Variants in SPOCK2 observed in about 807,000 individuals in gnomAD.
The protein encoded by SPOCK2 is testican-2.
SPOCK2 carries 39 observed loss-of-function variants against 60.1 expected under a neutral mutation model. That is an observed-to-expected ratio of 0.65 (90% confidence interval 0.50 to 0.85). The LOEUF is 0.85. Ranked by LOEUF, SPOCK2 falls within the 40% of genes least tolerant of loss-of-function variation. The pLI is 0.00. For missense variants in SPOCK2, 523 were observed against 567.4 expected (o/e 0.92, Z 0.80); for synonymous variants, 217 against 231.5 (o/e 0.94, Z 0.57).
In SPOCK2 at chr10:72,068,145, C is replaced by T. The variant is rs200576803; in HGVS notation, c.589+42G>A. The T allele has an allele frequency of 5.1e-6, 8 of 1,573,290 alleles. No homozygotes were observed. In the East Asian group the frequency reaches 1.4e-4, roughly 27 times the overall value. On this transcript the variant is annotated intron_variant, in intron 6 of 10. Coordinates refer to ENST00000373109, the MANE Select transcript of SPOCK2 (RefSeq NM_001244950.2). ...GAGCCCTGAAGGAGGTGCCAGGTGG[C>T]CCTTCAGCACCCCTAGCCTGGTGGC...
At chr10:72,067,348 A>G (rs1840584149) in intron 7 of SPOCK2, among the ~76,000 whole-genome samples, 1 of 152,188 alleles carries the variant, frequency 6.6e-6, no homozygotes, top group Non-Finnish European at 1.5e-5. Context: ...CCCTGCAGGG[A>G]AAAGAATTCC....
At position 72,088,243 on chromosome 10, in the gene SPOCK2, A is replaced by G; in HGVS notation, c.86T>C (p.Leu29Pro). 6.2e-7 allele frequency: 1 copy of G among 1,611,246 alleles called. No homozygotes were observed. The highest frequency in any genetic ancestry group is 8.5e-7 in the Non-Finnish European group (1 of 1,179,500). Residue 29 changes from leucine (L) to proline (P), a missense_variant, in exon 1 of 11, where the codon CTC (leucine) becomes CCC (proline). Leu to Pro is a moderately conservative substitution (Grantham distance 98). Coordinates refer to ENST00000373109, the MANE Select transcript of SPOCK2 (RefSeq NM_001244950.2). ...AALAEGDAKGLKEGETPGNFM... is the reference protein window; with the variant it reads ...AALAEGDAKGPKEGETPGNFM... ...ATTGCCGGGGGTCTCGCCCTCCTTG[A>G]GCCCCTTGGCGTCGCCTTCGGCCAG... is the stretch of plus-strand genomic sequence containing the variant.
Position 72,087,274 on chromosome 10 carries a change from A to G in SPOCK2, c.189+866T>C, listed in dbSNP as rs1050127717. ...TCTGATCCACAGGTGCCGGTAAACA[A>G]AAGTGCCGCAGCTACCCCCCCGCCC... On this transcript the variant is annotated intron_variant, in intron 1 of 10. Coordinates refer to ENST00000373109, the MANE Select transcript of SPOCK2 (RefSeq NM_001244950.2). The surrounding 1 kb of genome is among the most constrained non-coding windows in gnomAD (Gnocchi z 4.7). Among the ~76,000 whole-genome samples the G allele has an allele frequency of 5.9e-5, 9 of 151,594 alleles. No homozygotes were observed. Among genetic ancestry groups the G allele is most frequent in the Non-Finnish European group, 1.3e-4 (9 of 67,834 alleles).
Position 72,067,016 on chromosome 10 carries a change from C to T in SPOCK2, c.814G>A (p.Ala272Thr), listed in dbSNP as rs563083994. 13 of 1,614,192 alleles carry T rather than the reference C, an allele frequency of 8.1e-6. No individual in the cohort carries two copies. Among genetic ancestry groups the T allele is most frequent in the Admixed American group, 5.0e-5 (3 of 60,028 alleles). ...ACCTCGTACTTGTCCAGGTTGATGG[C>T]GGCCAGCTCCGTCTGGTCCAGGAAG... ...DLFLDQTELA[A>T]INLDKYEVCI... The change falls in exon 8 of 11, where the codon GCC becomes ACC. Residue 272 changes from alanine to threonine, a missense_variant. Transcript: ENST00000373109.
chr10:72,066,112 G>C (rs1564546009), intron 8 of SPOCK2, among the ~76,000 whole-genome samples: 1 of 152,116 alleles, frequency 6.6e-6, no homozygotes, highest in East Asian at 1.9e-4. Context: ...TGGTTTGAAA[G>C]CTCTGGTTTC....
Position 72,062,149 on chromosome 10 carries a change from G to A in SPOCK2, c.*611C>T, listed in dbSNP as rs1175783522. On this transcript the variant is annotated 3_prime_UTR_variant, in exon 11 of 11. Transcript: ENST00000373109. This position sits in a 1 kb window ranked among gnomAD's most constrained non-coding sequence, Gnocchi z 4.3. The stretch of plus-strand genomic sequence containing the variant: ...GCCCGTCTCATCTGAGGCTGGTGGG[G>A]ATGTCACACCACATCGGCCCAGTTT... The A allele has an allele frequency of 6.5e-6, 1 of 152,788 alleles. No homozygotes were observed. Among genetic ancestry groups the A allele is most frequent in the Non-Finnish European group, 1.5e-5 (1 of 68,398 alleles). 9.5% of individuals were successfully genotyped at this position (152,788 alleles called of 1,614,324 possible).
Position 72,062,575 on chromosome 10 carries a change from G to T in SPOCK2, c.*185C>A. 9.0e-7 allele frequency: 1 copy of T among 1,105,636 alleles called. No individual in the cohort carries two copies. 68.5% of individuals were successfully genotyped at this position (1,105,636 alleles called of 1,614,324 possible). A position where few individuals can be genotyped will look rare whatever the true frequency, so the allele number is the denominator to read the frequency against. On this transcript the variant is annotated 3_prime_UTR_variant, in exon 11 of 11. Transcript: ENST00000373109. The surrounding 1 kb of genome is among the most constrained non-coding windows in gnomAD (Gnocchi z 4.3). ...CACATACACACATGCATGCACACATGCACTCACACTGTCACCCGTCCCAGC... is the reference window on the plus strand; with the variant it reads ...CACATACACACATGCATGCACACATTCACTCACACTGTCACCCGTCCCAGC...
Position 72,067,728 on chromosome 10 carries a change from A to C in SPOCK2, c.594T>G (p.Thr198=), listed in dbSNP as rs139132836. 1.2e-5 allele frequency: 20 copies of C among 1,613,162 alleles called. No individual in the cohort carries two copies. The highest frequency in any genetic ancestry group is 1.5e-5 in the Non-Finnish European group (18 of 1,179,768). The change falls in exon 7 of 11, where the codon ACT becomes ACG. Residue 198 remains threonine, a synonymous_variant. Transcript: ENST00000373109. The part of the protein sequence containing the change: ...ATSTADGKPE[T]CTGQDLADLG... The stretch of plus-strand genomic sequence containing the variant: ...GGTCAGCCAGGTCCTGACCGGTGCA[A>C]GTCTCTGCAGAACAGAGAGAAGGCA...
chr10:72,073,977 C>A (rs1840682366), intron 1 of SPOCK2, among the ~76,000 whole-genome samples: 1 of 152,250 alleles, frequency 6.6e-6, no homozygotes. Flanking sequence ...CAGCTGCCCA[C>A]TTCCTCTGCG....
rs1342353258 is a variant in SPOCK2, at chr10:72,062,186, C to T, written c.*574G>A. On this transcript the variant is annotated 3_prime_UTR_variant, in exon 11 of 11. Coordinates refer to ENST00000373109, the MANE Select transcript of SPOCK2 (RefSeq NM_001244950.2). The surrounding 1 kb of genome is among the most constrained non-coding windows in gnomAD (Gnocchi z 4.3). ...CATCGGCCCAGTTTTGGGAGGACCTCAGCTGGTAGACAGCTCCCTGCCCCT... is the reference window on the plus strand; with the variant it reads ...CATCGGCCCAGTTTTGGGAGGACCTTAGCTGGTAGACAGCTCCCTGCCCCT... The T allele has an allele frequency of 6.5e-6, 1 of 152,980 alleles. No individual in the cohort carries two copies. The highest frequency in any genetic ancestry group is 2.4e-5 in the African/African-American group (1 of 41,468). 9.5% of individuals were successfully genotyped at this position (152,980 alleles called of 1,614,324 possible).
intron 1 of SPOCK2, among the ~76,000 whole-genome samples, chr10:72,078,377 G>A (rs1279671543): frequency 1.3e-4 from 20 of 151,914 alleles, no homozygotes; most frequent in Non-Finnish European, 2.8e-4. Flanking sequence ...CGTGTGTGAT[G>A]GCGGGCGCCT....
rs974112089 is a variant in SPOCK2, at chr10:72,087,488, G to C, written c.189+652C>G. 6.6e-6 allele frequency among the ~76,000 whole-genome samples: 1 copy of C among 152,276 alleles called. No individual in the cohort carries two copies. Among genetic ancestry groups the C allele is most frequent in the Non-Finnish European group, 1.5e-5 (1 of 68,014 alleles). On this transcript the variant is annotated intron_variant, in intron 1 of 10. Coordinates refer to ENST00000373109, the MANE Select transcript of SPOCK2 (RefSeq NM_001244950.2). The surrounding 1 kb of genome is among the most constrained non-coding windows in gnomAD (Gnocchi z 4.7). ...CTGAAATGTTGGTCCGGGAAAACCA[G>C]CCTGGGTCCTCGCGCGCCCTTCTGC...
In SPOCK2 at chr10:72,064,244, T is replaced by C. The variant is rs2131809695; in HGVS notation, c.929-4A>G. On this transcript the variant is annotated splice_polypyrimidine_tract_variant and splice_region_variant and intron_variant, in intron 8 of 10. Transcript: ENST00000373109. ...AGCTCTGCCAGGCAGGGGGGCTCTG[T>C]GGGGAGAGAAGCAGCCTCTGATGGG... 3 of 1,592,420 alleles carry C rather than the reference T, an allele frequency of 1.9e-6. No homozygotes were observed. Among genetic ancestry groups the C allele is most frequent in the Non-Finnish European group, 2.6e-6 (3 of 1,172,142 alleles).
intron 5 of SPOCK2, 168 bp downstream of exon 5, chr10:72,070,144 C>A: frequency 1.6e-6 from 1 of 606,356 alleles, no homozygotes; most frequent in Non-Finnish European, 2.9e-6. Context: ...CCAGCCAGGG[C>A]TGCAGGTGGC....
chr10:72,063,095 A>G lies in SPOCK2; in HGVS notation c.1059T>C (p.Gly353=), dbSNP rs1283071306. 6.4e-7 allele frequency: 1 copy of G among 1,555,154 alleles called. No individual in the cohort carries two copies. Among genetic ancestry groups the G allele is most frequent in the Non-Finnish European group, 8.7e-7 (1 of 1,148,958 alleles). ...YRKMQCDQSS[G]DCWCVDQLGL... ...CCAGCTGGTCCACACACCAGCAGTC[A>G]CCGCTGCTCTGGTCACACTGCATCT... Residue 353 remains glycine, a synonymous_variant, in exon 10 of 11, where the codon GGT becomes GGC. Transcript: ENST00000373109.
chr10:72,069,845 T>C (rs1033128444), intron 5 of SPOCK2, among the ~76,000 whole-genome samples: 2 of 152,162 alleles, frequency 1.3e-5, no homozygotes, highest in African/African-American at 4.8e-5. Flanking sequence ...TCCCAATCGG[T>C]TCCTTCTTCC....
chr10:72,068,411 G>A (rs1840601445), intron 5 of SPOCK2, 110 bp from the exon 6 acceptor site: 1 of 1,175,980 alleles, frequency 8.5e-7, no homozygotes, highest in Admixed American at 2.6e-5. Flanking sequence ...TCCCCCCATG[G>A]AGTGCCCATG....
intron 5 of SPOCK2, among the ~76,000 whole-genome samples, chr10:72,069,883 T>G (rs755722305): frequency 6.6e-6 from 1 of 152,226 alleles, no homozygotes; most frequent in African/African-American, 2.4e-5. Context: ...GATTATTTCC[T>G]GCTGCCCCAG....
intron 1 of SPOCK2, among the ~76,000 whole-genome samples, chr10:72,079,891 T>C (rs538569369): frequency 4.6e-5 from 7 of 151,706 alleles, no homozygotes; most frequent in African/African-American, 1.7e-4. Context: ...AGCAAGTGAG[T>C]CGCTTCCCTT....
Sources: allele counts gnomAD v4.1 joint callset (sites outside exome capture counted in the v4.1 genomes callset), GRCh38; gene constraint gnomAD v4.1.1; non-coding constraint Gnocchi (gnomAD v3.1); transcripts MANE v1.5; gene names NCBI Gene and HGNC (gene_info 2026-07-23, HGNC 2026-07-21).